The following ECHDC1 variants were observed in gnomAD, a reference collection of about 807,000 sequenced individuals.
ECHDC1 encodes ethylmalonyl-CoA decarboxylase.
Under a neutral mutation model 29.7 loss-of-function variants are expected in ECHDC1, and 29 were observed. That is an observed-to-expected ratio of 0.98 (90% confidence interval 0.73 to 1.33). ECHDC1 has a LOEUF of 1.33. Among genes scored for constraint, ECHDC1 ranks in the 40% most tolerant of loss-of-function variants. The pLI, the probability that ECHDC1 is intolerant of heterozygous loss-of-function variation, is 0.00. For synonymous variants in ECHDC1, 126 were observed against 123.1 expected, an observed-to-expected ratio of 1.02 and a Z score of -0.15; for missense variants, 328 against 350.0, an observed-to-expected ratio of 0.94 and a Z score of 0.50.
chr6:127,307,283 A>G (rs1425298203), intron 5 of ECHDC1, among the ~76,000 whole-genome samples: 1 of 152,244 alleles, frequency 6.6e-6, no homozygotes, highest in Non-Finnish European at 1.5e-5. Flanking sequence ...AGCCAAACTC[A>G]AAATTAGTAG....
At chr6:127,326,307 T>C (rs1409935025) in intron 3 of ECHDC1, among the ~76,000 whole-genome samples, 1 of 152,188 alleles carries the variant, frequency 6.6e-6, no homozygotes, top group Non-Finnish European at 1.5e-5. Flanking sequence ...ATGTGCTTGC[T>C]TCACCTTTGC....
chr6:127,296,340 C>T (rs572447995), intron 5 of ECHDC1, among the ~76,000 whole-genome samples: 7 of 152,174 alleles, frequency 4.6e-5, no homozygotes, highest in African/African-American at 1.2e-4. Flanking sequence ...ACTACACGTG[C>T]GCCATCACAC....
At chr6:127,319,030 C>T (rs544250423) in intron 3 of ECHDC1, among the ~76,000 whole-genome samples, 14 of 152,278 alleles carry the variant, frequency 9.2e-5, no homozygotes, top group Admixed American at 4.6e-4. Flanking sequence ...TTTGCTCTTG[C>T]TACATTTAGA....
At chr6:127,334,141 T>G (rs1445813998) in intron 1 of ECHDC1, among the ~76,000 whole-genome samples, 1 of 152,198 alleles carries the variant, frequency 6.6e-6, no homozygotes, top group Non-Finnish European at 1.5e-5. Flanking sequence ...ATGCCTGTAC[T>G]CCTTAGTATT....
At chr6:127,309,514 CACACACACACACACACACACACAG>C (rs1401708268) in intron 5 of ECHDC1, among the ~76,000 whole-genome samples, 92 of 59,542 alleles carry the variant, frequency 1.5e-3, no homozygotes, top group African/African-American at 3.9e-3. Flanking sequence ...CACACACACA[CACACACACACACACACACACACAG>C]GAAAAAATAG....
intron 5 of ECHDC1, among the ~76,000 whole-genome samples, chr6:127,295,226 C>A (rs1780504590): frequency 6.6e-6 from 1 of 152,090 alleles, no homozygotes; most frequent in Non-Finnish European, 1.5e-5. Context: ...AAAAGGCTAC[C>A]TTGTAAGTTC....
Position 127,290,264 on chromosome 6 carries a change from C to A in ECHDC1, c.511G>T (p.Glu171Ter). 1 of 1,612,422 alleles carries A rather than the reference C, an allele frequency of 6.2e-7. No homozygotes were observed. The change falls in exon 6 of 6, where the codon GAG (glutamate) becomes TAG (stop). Residue 171 changes from glutamate (E) to a stop codon, truncating the protein, a stop_gained. Transcript: ENST00000454859. LOFTEE classifies it high-confidence loss of function. ...TACDFRLMTP[E>*]SKIRFVHKEM... is the part of the protein sequence containing the mutation. ...TTGTGGACGAATCTGATCTTACTCT[C>A]TGGAGTCATTAACCTGTAAAAGAAA...
intron 1 of ECHDC1, among the ~76,000 whole-genome samples, chr6:127,332,821 C>T (rs1784082633): frequency 7.4e-6 from 1 of 135,056 alleles, no homozygotes; most frequent in Non-Finnish European, 1.6e-5. Context: ...GAGACAGTCT[C>T]TCCTTTGTTG....
intron 1 of ECHDC1, among the ~76,000 whole-genome samples, chr6:127,335,060 C>T (rs191210464): frequency 1.9e-4 from 29 of 152,076 alleles, no homozygotes; most frequent in African/African-American, 7.0e-4. Flanking sequence ...AAAAGGAATG[C>T]CACAAACTTG....
At chr6:127,334,670 C>A (rs978056682) in intron 1 of ECHDC1, among the ~76,000 whole-genome samples, 1 of 152,032 alleles carries the variant, frequency 6.6e-6, no homozygotes, top group African/African-American at 2.4e-5. Flanking sequence ...CAGAGTCCCA[C>A]AAATTTACCA....
chr6:127,311,458 C>T (rs529713403), intron 5 of ECHDC1, among the ~76,000 whole-genome samples: 5 of 151,650 alleles, frequency 3.3e-5, no homozygotes, highest in South Asian at 2.1e-4. Context: ...CCCTGGATCA[C>T]GAGGTCAGGA....
At position 127,290,159 on chromosome 6, in the gene ECHDC1, A is replaced by T. The variant is rs755849210; in HGVS notation, c.616T>A (p.Leu206Met). ...IIGSRQALKV[L>M]SGALKLDSKN... ...GAATCCAGTTTAAGGGCCCCACTCA[A>T]CACTTTGAGAGCTTGTCTACTTCCG... The change falls in exon 6 of 6, where the codon TTG (leucine) becomes ATG (methionine). Residue 206 changes from leucine to methionine, a missense_variant. Coordinates refer to ENST00000454859, the MANE Select transcript of ECHDC1 (RefSeq NM_001002030.2). The T allele has an allele frequency of 6.2e-7, 1 of 1,613,648 alleles. No individual in the cohort carries two copies.
intron 1 of ECHDC1, among the ~76,000 whole-genome samples, chr6:127,339,370 T>G (rs1209756274): frequency 6.6e-6 from 1 of 151,428 alleles, no homozygotes; most frequent in African/African-American, 2.4e-5. Context: ...ATTAAATTTT[T>G]GTGGAACTAA....
At chr6:127,337,908 G>A (rs1324261461) in intron 1 of ECHDC1, among the ~76,000 whole-genome samples, 2 of 152,100 alleles carry the variant, frequency 1.3e-5, no homozygotes, top group African/African-American at 2.4e-5. Flanking sequence ...AATGAATTCT[G>A]AAGCTTTCTT....
chr6:127,331,304 C>T (rs575652476), intron 1 of ECHDC1, among the ~76,000 whole-genome samples: 1 of 151,992 alleles, frequency 6.6e-6, no homozygotes, highest in Non-Finnish European at 1.5e-5. Flanking sequence ...CATGACCACG[C>T]CTGGCTAATT....
chr6:127,311,669 CAAA>C (rs71272311), intron 5 of ECHDC1, among the ~76,000 whole-genome samples: 2 of 25,046 alleles, frequency 8.0e-5, no homozygotes, highest in Non-Finnish European at 2.5e-4. Flanking sequence ...GGCTCTGTCT[CAAA>C]AAAAAAAAAA....
At chr6:127,337,525 A>G (rs558155061) in intron 1 of ECHDC1, among the ~76,000 whole-genome samples, 1 of 152,254 alleles carries the variant, frequency 6.6e-6, no homozygotes, top group Admixed American at 6.5e-5. Context: ...TCTGAACCAA[A>G]CCAATGTATT....
Position 127,290,089 on chromosome 6 carries a change from G to A in ECHDC1, c.686C>T (p.Ser229Phe). The A allele has an allele frequency of 3.1e-6, 5 of 1,613,694 alleles. No homozygotes were observed. The highest frequency in any genetic ancestry group is 4.2e-6 in the Non-Finnish European group (5 of 1,179,776). The change falls in exon 6 of 6, where the codon TCT becomes TTT. Residue 229 changes from serine (S) to phenylalanine (F), a missense_variant. Coordinates refer to ENST00000454859, the MANE Select transcript of ECHDC1 (RefSeq NM_001002030.2). ...TTCTAGAGATTTAGTTTCATCTGAA[G>A]ACTGCAAGACCTCTTCAACCATTCC... The part of the protein sequence containing the change: ...NIGMVEEVLQ[S>F]SDETKSLEEA...
At position 127,330,841 on chromosome 6, in the gene ECHDC1, AGAGT is replaced by A; in HGVS notation, c.184_187del (p.Thr62Ter). On this transcript the variant is annotated frameshift_variant, in exon 2 of 6. Transcript: ENST00000454859. LOFTEE classifies it high-confidence loss of function. ...GGCATTCATTCTACTTGGATTGTTC[AGAGT>A]AAGAATGCCAATGCCATTGTCTTCC... The A allele has an allele frequency of 6.2e-7, 1 of 1,614,044 alleles. No individual in the cohort carries two copies. Among genetic ancestry groups the A allele is most frequent in the Non-Finnish European group, 8.5e-7 (1 of 1,179,950 alleles).
Sources: allele counts gnomAD v4.1 joint callset (sites outside exome capture counted in the v4.1 genomes callset), GRCh38; gene constraint gnomAD v4.1.1; transcripts MANE v1.5; gene names NCBI Gene and HGNC (gene_info 2026-07-23, HGNC 2026-07-21).